Variants in PUM2 observed in about 807,000 individuals in gnomAD.
PUM2 encodes pumilio RNA binding family member 2.
PUM2 carries 57 observed loss-of-function variants against 124.5 expected under a neutral mutation model. The observed-to-expected ratio is 0.46, with a 90% confidence interval of 0.37 to 0.57. PUM2 has a LOEUF of 0.57. PUM2 is among the 20% of genes least tolerant of loss of function. The pLI is 0.00. For missense variants in PUM2, 1,065 were observed against 1,290.6 expected (o/e 0.83, Z 2.68); for synonymous variants, 460 against 446.1 (o/e 1.03, Z -0.39).
chr2:20,304,342 CCTAT>C (rs1050117434), intron 7 of PUM2, among the ~76,000 whole-genome samples: 11 of 152,204 alleles, frequency 7.2e-5, no homozygotes, highest in African/African-American at 1.7e-4. Context: ...TTCATTCTAT[CCTAT>C]CTATTATTTC....
At position 20,263,478 on chromosome 2, in the gene PUM2, T is replaced by C; in HGVS notation, c.1958-18A>G. The C allele has an allele frequency of 6.4e-7, 1 of 1,568,116 alleles. No individual in the cohort carries two copies. Among genetic ancestry groups the C allele is most frequent in the Non-Finnish European group, 8.7e-7 (1 of 1,149,726 alleles). ...CAGTCCTCCTACAACAAAGCAGCTA[T>C]GGTCAGCAAGTATTTTTGACAAAGT... On this transcript the variant is annotated intron_variant, in intron 13 of 20. Coordinates refer to ENST00000361078, the MANE Select transcript of PUM2 (RefSeq NM_015317.5).
At chr2:20,350,340 G>T in intron 1 of PUM2, 1 of 502,044 alleles carries the variant, frequency 2.0e-6, no homozygotes, top group Non-Finnish European at 2.6e-6. Context: ...CCCCCGAGGC[G>T]GCGGCCCCGC....
intron 16 of PUM2, among the ~76,000 whole-genome samples, chr2:20,257,834 T>A (rs1665182868): frequency 6.6e-6 from 1 of 152,164 alleles, no homozygotes; most frequent in Non-Finnish European, 1.5e-5. Flanking sequence ...GGCTATATTT[T>A]TAAAAAAAAC....
intron 2 of PUM2, among the ~76,000 whole-genome samples, chr2:20,319,824 T>C (rs1681872246): frequency 6.6e-6 from 1 of 152,202 alleles, no homozygotes; most frequent in Non-Finnish European, 1.5e-5. Context: ...GATGCTCTAC[T>C]GAAGCAACAG....
chr2:20,299,773 G>C (rs1274056600), intron 7 of PUM2, among the ~76,000 whole-genome samples: 3 of 152,102 alleles, frequency 2.0e-5, no homozygotes, highest in African/African-American at 7.2e-5. Flanking sequence ...CTGATTTCTT[G>C]TCTAGGCACA....
rs1264948684 is a variant in PUM2 at position 20,263,397 on chromosome 2, C to T, written c.2021G>A (p.Arg674Gln). 1.2e-5 allele frequency: 20 copies of T among 1,613,886 alleles called. No homozygotes were observed. The highest frequency in any genetic ancestry group is 6.7e-5 in the East Asian group (3 of 44,888). ...TAGACTGGAAGTGCTTGAAGCACTTCGATATTTTGCTTCTGCTCCAGGTGC... is the reference window on the plus strand; with the variant it reads ...TAGACTGGAAGTGCTTGAAGCACTTTGATATTTTGCTTCTGCTCCAGGTGC... ...SAAPGAEAKYRSASSTSSLFS... is the reference protein window; with the variant it reads ...SAAPGAEAKYQSASSTSSLFS... Residue 674 changes from arginine (R) to glutamine (Q), a missense_variant, in exon 14 of 21, where the codon CGA becomes CAA. Arg to Gln is a conservative substitution (Grantham distance 43, BLOSUM62 1). Around this residue, in one of 3 missense-constraint regions of PUM2, gnomAD observed 968 missense variants for 1,159.8 expected, o/e 0.83. Coordinates refer to ENST00000361078, the MANE Select transcript of PUM2 (RefSeq NM_015317.5).
chr2:20,351,440 C>T (rs747429257), upstream of PUM2, among the ~76,000 whole-genome samples: 62 of 152,234 alleles, frequency 4.1e-4, no homozygotes, highest in Non-Finnish European at 8.1e-4. Context: ...GGAGCCAGCT[C>T]TCAGCAAATT....
intron 5 of PUM2, among the ~76,000 whole-genome samples, chr2:20,310,693 C>A (rs1220225253): frequency 6.6e-6 from 1 of 151,634 alleles, no homozygotes; most frequent in African/African-American, 2.4e-5. Flanking sequence ...TAAAAGTATA[C>A]CACCCACCAT....
chr2:20,255,462 G>A (rs1664557838), intron 17 of PUM2, 121 bp from the exon 18 acceptor site: 3 of 963,632 alleles, frequency 3.1e-6, no homozygotes, highest in Admixed American at 2.7e-5. Flanking sequence ...AAATAGAAGG[G>A]TGATGAACTC....
intron 13 of PUM2, 27 bp downstream of exon 13, chr2:20,278,556 T>C: frequency 6.5e-7 from 1 of 1,531,462 alleles, no homozygotes; most frequent in South Asian, 1.1e-5. Context: ...TACATACAAA[T>C]AAAAAGGGTT....
intron 7 of PUM2, among the ~76,000 whole-genome samples, chr2:20,298,772 G>A (rs1053310824): frequency 2.0e-5 from 3 of 152,194 alleles, no homozygotes; most frequent in Non-Finnish European, 2.9e-5. Context: ...TCAGGAGACT[G>A]AGGTTGGAGT....
chr2:20,277,707 A>G (rs149236785), intron 13 of PUM2, among the ~76,000 whole-genome samples: 1 of 152,268 alleles, frequency 6.6e-6, no homozygotes, highest in East Asian at 1.9e-4. Context: ...TGCTTACAGT[A>G]GCAACATTAC....
chr2:20,313,658 C>T (rs1290450001), intron 3 of PUM2, among the ~76,000 whole-genome samples: 1 of 151,674 alleles, frequency 6.6e-6, no homozygotes, highest in Admixed American at 6.6e-5. Flanking sequence ...GATGAGTTCC[C>T]ATCTCTACAA....
intron 1 of PUM2, among the ~76,000 whole-genome samples, chr2:20,334,939 C>A (rs1685676940): frequency 6.6e-6 from 1 of 152,188 alleles, no homozygotes; most frequent in Non-Finnish European, 1.5e-5. Context: ...CCGTAATCAT[C>A]CTCCTTGGAC....
At chr2:20,325,602 G>A (rs1042388762) in intron 2 of PUM2, among the ~76,000 whole-genome samples, 2 of 151,432 alleles carry the variant, frequency 1.3e-5, no homozygotes, top group African/African-American at 4.8e-5. Context: ...TAAAATTAAT[G>A]TAGGAGTATG....
intron 14 of PUM2, among the ~76,000 whole-genome samples, chr2:20,261,545 A>G (rs1011621419): frequency 1.3e-5 from 2 of 151,644 alleles, no homozygotes; most frequent in African/African-American, 4.8e-5. Flanking sequence ...AAAAAAAAAA[A>G]AGTAAAACAC....
intron 3 of PUM2, among the ~76,000 whole-genome samples, chr2:20,316,454 A>G (rs1028907685): frequency 6.6e-6 from 1 of 151,980 alleles, no homozygotes; most frequent in Non-Finnish European, 1.5e-5. Flanking sequence ...TGTTTTCATT[A>G]TTACTTTGGT....
rs1219245637 is a variant in PUM2 at position 20,312,487 on chromosome 2, T to C, written c.161-64A>G. 3 of 1,405,920 alleles carry C rather than the reference T, an allele frequency of 2.1e-6. No individual in the cohort carries two copies. The East Asian group carries it at 7.5e-5, about 35-fold the overall frequency. 87.1% of individuals were successfully genotyped at this position (1,405,920 alleles called of 1,614,324 possible). On this transcript the variant is annotated intron_variant, in intron 3 of 20. Transcript: ENST00000361078. ...TTAAGTTAAACAAAATGTAGTTAAA[T>C]TAATATACTGAAGTAAGAAAAATCA...
intron 12 of PUM2, among the ~76,000 whole-genome samples, chr2:20,280,220 CA>C (rs1671191205): frequency 6.6e-6 from 1 of 152,058 alleles, no homozygotes; most frequent in African/African-American, 2.4e-5. Context: ...CCACATTAGG[CA>C]AAAGATTATA....
Sources: allele counts gnomAD v4.1 joint callset (sites outside exome capture counted in the v4.1 genomes callset), GRCh38; gene constraint gnomAD v4.1.1; regional missense constraint gnomAD v4.1.1; transcripts MANE v1.5; gene names NCBI Gene and HGNC (gene_info 2026-07-23, HGNC 2026-07-21).